ALOX12: variants seen among roughly 807,000 people sequenced by gnomAD.
The protein encoded by ALOX12 is arachidonate 12-lipoxygenase, 12S type, also known as polyunsaturated fatty acid lipoxygenase ALOX12.
In ALOX12, 62 loss-of-function variants were observed where a neutral mutation model predicts 85.5. The ratio of observed to expected loss-of-function variants is 0.73; its 90% CI spans 0.59 to 0.90. The LOEUF (loss-of-function observed/expected upper bound fraction) is 0.90. Among genes scored for constraint, ALOX12 ranks in the 40% least tolerant of loss-of-function variants. The pLI is 0.00. For missense variants in ALOX12, 751 were observed against 856.5 expected (o/e 0.88, Z 1.54); for synonymous variants, 299 against 332.7 (o/e 0.90, Z 1.10).
Position 7,005,900 on chromosome 17 carries a change from CG to C in ALOX12, c.1294del (p.Ala432ArgfsTer5), listed in dbSNP as rs1567719776. 3 of 1,613,520 alleles carry C rather than the reference CG, an allele frequency of 1.9e-6. No individual in the cohort carries two copies. Among genetic ancestry groups the C allele is most frequent in the Non-Finnish European group, 2.5e-6 (3 of 1,179,936 alleles). ...GGGGHVQLLR[R>X]AAAQLTYCSL... is the part of the protein sequence containing the mutation. ...AGGGGGCCATGTACAGTTGCTCCGT[CG>C]GGCGGCAGCTCAGCTGACCTACTGC... On this transcript the variant is annotated frameshift_variant, in exon 10 of 14. Coordinates refer to ENST00000251535, the MANE Select transcript of ALOX12 (RefSeq NM_000697.3). LOFTEE classifies it high-confidence loss of function.
At chr17:7,006,246 G>A (rs1909066005) in intron 10 of ALOX12, among the ~76,000 whole-genome samples, 1 of 151,708 alleles carries the variant, frequency 6.6e-6, no homozygotes, top group African/African-American at 2.4e-5. Context: ...GGGGGAGACT[G>A]GGGGAGGTGT....
chr17:6,997,781 C>T (rs1044329389), intron 2 of ALOX12, among the ~76,000 whole-genome samples: 3 of 151,830 alleles, frequency 2.0e-5, no homozygotes, highest in East Asian at 1.9e-4. Flanking sequence ...AGGATGGTCT[C>T]GATCTCCTGA....
intron 1 of ALOX12, 113 bp from the exon 2 acceptor site, chr17:6,996,713 G>A: frequency 1.5e-6 from 2 of 1,307,028 alleles, no homozygotes; most frequent in Non-Finnish European, 2.1e-6. Flanking sequence ...ACGAGGCGAT[G>A]CTGTCTTTGG....
chr17:7,007,348 T>A (rs1179759674), intron 11 of ALOX12, among the ~76,000 whole-genome samples: 1 of 152,170 alleles, frequency 6.6e-6, no homozygotes, highest in Admixed American at 6.5e-5. Flanking sequence ...CTGTCACTCA[T>A]CCTTCGGCCC....
intron 7 of ALOX12, 51 bp from the exon 8 acceptor site, chr17:7,001,551 A>C (rs1908709697): frequency 6.7e-7 from 1 of 1,501,524 alleles, no homozygotes; most frequent in East Asian, 2.3e-5. Context: ...AAGAATGCTG[A>C]CTATAATGTC....
intron 11 of ALOX12, among the ~76,000 whole-genome samples, chr17:7,007,550 T>C (rs542311449): frequency 6.6e-6 from 1 of 152,278 alleles, no homozygotes; most frequent in East Asian, 1.9e-4. Flanking sequence ...CTAGTTCTTC[T>C]CAGTACAGTC....
At position 7,009,972 on chromosome 17, in the gene ALOX12, G is replaced by A; in HGVS notation, c.1658G>A (p.Trp553Ter). Residue 553 changes from tryptophan (W) to a stop codon, truncating the protein, a stop_gained, in exon 13 of 14, where the codon TGG becomes TAG. Coordinates refer to ENST00000251535, the MANE Select transcript of ALOX12 (RefSeq NM_000697.3). LOFTEE classifies it high-confidence loss of function. ...INQGQLDWYAWVPNAPCTMRM... is the reference protein window; with the variant it reads ...INQGQLDWYA The stretch of plus-strand genomic sequence containing the variant: ...TTCCTCCAGCTGGACTGGTATGCCT[G>A]GGTCCCTAATGCTCCATGCACAATG... The A allele has an allele frequency of 6.2e-7, 1 of 1,613,970 alleles. No homozygotes were observed. The highest frequency in any genetic ancestry group is 8.5e-7 in the Non-Finnish European group (1 of 1,179,904).
chr17:7,008,291 C>T (rs1909188853), intron 11 of ALOX12, among the ~76,000 whole-genome samples: 1 of 152,180 alleles, frequency 6.6e-6, no homozygotes, highest in South Asian at 2.1e-4. Flanking sequence ...TCACTTTTGT[C>T]TAGTTTTCCC....
At chr17:6,998,636 C>A in intron 3 of ALOX12, 46 bp downstream of exon 3, 1 of 1,605,452 alleles carries the variant, frequency 6.2e-7, no homozygotes, top group Non-Finnish European at 8.5e-7. Context: ...CTGTCCCACC[C>A]CTTCCCTGCC....
intron 8 of ALOX12, among the ~76,000 whole-genome samples, chr17:7,004,136 T>TA: frequency 8.5e-6 from 1 of 118,276 alleles, no homozygotes; most frequent in African/African-American, 3.0e-5. Flanking sequence ...TTTAAATAAA[T>TA]AATTAAAATT....
intron 8 of ALOX12, 133 bp from the exon 9 acceptor site, chr17:7,005,124 T>A: frequency 1.2e-6 from 1 of 820,190 alleles, no homozygotes; most frequent in Non-Finnish European, 2.1e-6. Flanking sequence ...GAGTGAGTGA[T>A]CAGAACAGCA....
chr17:7,001,558 T>C (rs1203824551), intron 7 of ALOX12, 44 bp from the exon 8 acceptor site: 1 of 1,524,384 alleles, frequency 6.6e-7, no homozygotes. Context: ...CTGACTATAA[T>C]GTCATATACG....
At chr17:7,007,901 A>C (rs1909168690) in intron 11 of ALOX12, among the ~76,000 whole-genome samples, 1 of 152,118 alleles carries the variant, frequency 6.6e-6, no homozygotes, top group African/African-American at 2.4e-5. Context: ...AATAAAAAAA[A>C]CCACACACCA....
At chr17:6,999,612 A>C in intron 6 of ALOX12, 146 bp downstream of exon 6, 1 of 798,340 alleles carries the variant, frequency 1.3e-6, no homozygotes, top group Non-Finnish European at 1.9e-6. Flanking sequence ...ACAGAAATAA[A>C]ATATGTAGGG....
intron 11 of ALOX12, chr17:7,009,500 C>G (rs1039817875): frequency 4.4e-6 from 2 of 452,194 alleles, no homozygotes; most frequent in African/African-American, 3.9e-5. Context: ...GATACATCAT[C>G]TCATTTATAA....
intron 6 of ALOX12, 86 bp downstream of exon 6, chr17:6,999,552 A>G: frequency 6.8e-7 from 1 of 1,460,044 alleles, no homozygotes; most frequent in East Asian, 2.3e-5. Flanking sequence ...GAGTCAGAGG[A>G]AGGCTGCAGT....
intron 11 of ALOX12, among the ~76,000 whole-genome samples, chr17:7,008,740 C>T (rs999578845): frequency 6.1e-5 from 9 of 147,372 alleles, no homozygotes; most frequent in Non-Finnish European, 1.2e-4. Flanking sequence ...AGCAAGACTC[C>T]GTCTCAAAAA....
chr17:7,002,480 T>A, intron 8 of ALOX12: 1 of 469,202 alleles, frequency 2.1e-6, no homozygotes, highest in Non-Finnish European at 4.4e-6. Flanking sequence ...TGTGTTATAC[T>A]GACCTAGAAA....
Position 6,998,784 on chromosome 17 carries a change from T to C in ALOX12, c.489T>C (p.Asn163=). The part of the protein sequence containing the change: ...AADRKDDLPP[N]MRFHEEKRLD... ...ACCGTAAGGATGATCTACCTCCAAA[T>C]ATGAGATTCCATGAGGAGAAGAGGC... Residue 163 remains asparagine, a synonymous_variant, in exon 4 of 14, where the codon AAT becomes AAC. Transcript: ENST00000251535. 6.2e-7 allele frequency: 1 copy of C among 1,613,936 alleles called. No individual in the cohort carries two copies. Among genetic ancestry groups the C allele is most frequent in the Non-Finnish European group, 8.5e-7 (1 of 1,179,986 alleles).
Sources: allele counts gnomAD v4.1 joint callset (sites outside exome capture counted in the v4.1 genomes callset), GRCh38; gene constraint gnomAD v4.1.1; transcripts MANE v1.5; gene names NCBI Gene and HGNC (gene_info 2026-07-23, HGNC 2026-07-21).